KIAA1217: variants seen among roughly 807,000 people sequenced by gnomAD.
The protein encoded by KIAA1217 is sickle tail protein homolog.
In KIAA1217, 88 loss-of-function variants were observed where a neutral mutation model predicts 163.9. The ratio of observed to expected loss-of-function variants is 0.54; its 90% CI spans 0.45 to 0.64. KIAA1217 has a LOEUF of 0.64. KIAA1217 is among the 30% of genes least tolerant of loss of function. The pLI is 0.00. For synonymous variants in KIAA1217, 903 were observed against 923.1 expected, an observed-to-expected ratio of 0.98 and a Z score of 0.39; for missense variants, 2,372 against 2,475.0, an observed-to-expected ratio of 0.96 and a Z score of 0.88.
intron 2 of KIAA1217, chr10:24,158,029 T>C: frequency 2.6e-6 from 2 of 768,548 alleles, no homozygotes; most frequent in East Asian, 4.9e-5. Context: ...TGAGATCACC[T>C]TTACTTGCAG....
intron 1 of KIAA1217, among the ~76,000 whole-genome samples, chr10:23,712,577 T>C (rs923192999): frequency 6.6e-6 from 1 of 152,150 alleles, no homozygotes; most frequent in African/African-American, 2.4e-5. Context: ...ATTTTGAACC[T>C]GCTTTATTTC....
intron 2 of KIAA1217, among the ~76,000 whole-genome samples, chr10:24,247,488 G>A (rs1322741558): frequency 6.6e-6 from 1 of 152,134 alleles, no homozygotes; most frequent in East Asian, 1.9e-4. Flanking sequence ...TGCATTTTCT[G>A]TGTACTTGTC....
intron 2 of KIAA1217, among the ~76,000 whole-genome samples, chr10:24,203,278 G>GA (rs2067364271): frequency 6.6e-6 from 1 of 152,028 alleles, no homozygotes; most frequent in South Asian, 2.1e-4. Flanking sequence ...ATTGATGATT[G>GA]AGGGGTCGCC....
chr10:23,877,776 T>A (rs564425674), intron 1 of KIAA1217, among the ~76,000 whole-genome samples: 1 of 152,080 alleles, frequency 6.6e-6, no homozygotes, highest in East Asian at 1.9e-4. Flanking sequence ...AAATCTCTCT[T>A]CTTAGTTGGC....
chr10:23,993,150 G>C (rs1322628476), intron 1 of KIAA1217, among the ~76,000 whole-genome samples: 1 of 149,518 alleles, frequency 6.7e-6, no homozygotes, highest in South Asian at 2.1e-4. Context: ...TCCTGCCTCA[G>C]CCTCCCAAGT....
intron 2 of KIAA1217, among the ~76,000 whole-genome samples, chr10:24,110,470 G>A (rs2062805542): frequency 6.6e-6 from 1 of 152,138 alleles, no homozygotes; most frequent in Non-Finnish European, 1.5e-5. Flanking sequence ...CATCCCTTGA[G>A]TGGTGAAATG....
intron 2 of KIAA1217, among the ~76,000 whole-genome samples, chr10:24,092,911 G>GTGTGTGTGTGTGTGTGT (rs1342467901): frequency 7.3e-6 from 1 of 136,906 alleles, no homozygotes; most frequent in Non-Finnish European, 1.5e-5. Flanking sequence ...TATAGTGTGT[G>GTGTGTGTGTGTGTGTGT]TGTGTGTGTG....
At chr10:24,228,935 G>T (rs980638441) in intron 2 of KIAA1217, among the ~76,000 whole-genome samples, 2 of 152,098 alleles carry the variant, frequency 1.3e-5, no homozygotes, top group Non-Finnish European at 2.9e-5. Context: ...ACTTATTTTT[G>T]ATGAATTTAA....
chr10:24,176,686 G>T (rs1187181543), intron 2 of KIAA1217, among the ~76,000 whole-genome samples: 1 of 152,254 alleles, frequency 6.6e-6, no homozygotes, highest in African/African-American at 2.4e-5. Context: ...CTACACCAGA[G>T]CCGCGGGCAG....
In KIAA1217 at chr10:23,856,957, G is replaced by A. The variant is rs376137714; in HGVS notation, c.-320-150268G>A. On this transcript the variant is annotated intron_variant, in intron 1 of 18. Coordinates refer to the KIAA1217 transcript ENST00000376462. Reference sequence around the variant, plus strand: ...GAAAGGGAACTCCCTGACCCCTTGCGCTTCCCAAGTGAGGCAATGCCTCGC... The same window carrying A: ...GAAAGGGAACTCCCTGACCCCTTGCACTTCCCAAGTGAGGCAATGCCTCGC... Among the ~76,000 whole-genome samples, 76 of 152,340 alleles carry A rather than the reference G, an allele frequency of 5.0e-4. No homozygotes were observed. The East Asian group carries it at 7.5e-3, about 15-fold the overall frequency.
At chr10:23,948,280 G>A (rs555550929) in intron 1 of KIAA1217, among the ~76,000 whole-genome samples, 1 of 152,178 alleles carries the variant, frequency 6.6e-6, no homozygotes, top group African/African-American at 2.4e-5. Flanking sequence ...GCATAGGGTT[G>A]TTGTAATAAT....
At chr10:23,883,054 T>C (rs1589009332) in intron 1 of KIAA1217, among the ~76,000 whole-genome samples, 2 of 151,874 alleles carry the variant, frequency 1.3e-5, no homozygotes, top group South Asian at 2.1e-4. Flanking sequence ...TTTAGCTTCA[T>C]GCACCATTTG....
At chr10:24,307,562 A>T (rs1261640206) in intron 2 of KIAA1217, among the ~76,000 whole-genome samples, 4 of 151,456 alleles carry the variant, frequency 2.6e-5, no homozygotes, top group Non-Finnish European at 4.4e-5. Context: ...GATCACTTGA[A>T]TCCAGGAGTT....
At chr10:23,973,967 C>A (rs17578320) in intron 1 of KIAA1217, among the ~76,000 whole-genome samples, 33,273 of 152,020 alleles carry the variant, frequency 0.22, 3,775 homozygotes, top group Middle Eastern at 0.3. Context: ...AATACATGAA[C>A]AATGTTTAAA....
chr10:24,345,523 C>CT (rs2047620985), intron 2 of KIAA1217, among the ~76,000 whole-genome samples: 1 of 152,166 alleles, frequency 6.6e-6, no homozygotes, highest in Non-Finnish European at 1.5e-5. Flanking sequence ...ATGAATGAAC[C>CT]TAAGATCTTC....
At chr10:23,704,146 A>ATGTGTGTGTGTGTGTG (rs1241004091) in intron 1 of KIAA1217, among the ~76,000 whole-genome samples, 1 of 64,882 alleles carries the variant, frequency 1.5e-5, no homozygotes, top group Non-Finnish European at 2.6e-5. Flanking sequence ...GTGTGTGTGT[A>ATGTGTGTGTGTGTGTG]TGTGTGTGTG....
At chr10:23,855,125 T>C (rs556208849) in intron 1 of KIAA1217, among the ~76,000 whole-genome samples, 12 of 152,354 alleles carry the variant, frequency 7.9e-5, no homozygotes, top group Admixed American at 7.2e-4. Flanking sequence ...GTCTTTACAA[T>C]TTGGCATGAT....
chr10:24,241,273 A>G (rs140099671), intron 2 of KIAA1217, among the ~76,000 whole-genome samples: 144 of 152,348 alleles, frequency 9.5e-4, no homozygotes, highest in African/African-American at 3.3e-3. Context: ...GCATAGAAAA[A>G]AAATGAATGT....
intron 4 of KIAA1217, among the ~76,000 whole-genome samples, chr10:24,434,196 C>T (rs569025988): frequency 5.3e-5 from 8 of 151,994 alleles, no homozygotes; most frequent in African/African-American, 1.9e-4. Context: ...ACCACCAGGC[C>T]CAGCTAATTT....
Sources: gnomAD v4.1 joint callset for allele counts (sites outside exome capture counted in the v4.1 genomes callset) on GRCh38, gnomAD v4.1.1 for gene constraint, MANE v1.5 for transcripts, NCBI Gene and HGNC (gene_info 2026-07-23, HGNC 2026-07-21) for gene names.